The following CAGE1 variants were observed in gnomAD, a reference collection of about 807,000 sequenced individuals.
The protein encoded by CAGE1 is cancer-associated gene 1 protein.
CAGE1 carries 66 observed loss-of-function variants against 94.9 expected under a neutral mutation model. The ratio of observed to expected loss-of-function variants is 0.70; its 90% CI spans 0.57 to 0.85. The LOEUF (loss-of-function observed/expected upper bound fraction) is 0.85, where lower values mean the gene tolerates loss of function less well. Ranked by LOEUF, CAGE1 falls within the 40% of genes least tolerant of loss-of-function variation. The pLI, the probability that CAGE1 is intolerant of heterozygous loss-of-function variation, is 0.00. For missense variants in CAGE1, 865 were observed against 950.4 expected, an observed-to-expected ratio of 0.91 and a Z score of 1.18; for synonymous variants, 319 against 321.0, an observed-to-expected ratio of 0.99 and a Z score of 0.07.
chr6:7,328,739 A>G (rs1366632731), intron 13 of CAGE1, among the ~76,000 whole-genome samples: 2 of 152,038 alleles, frequency 1.3e-5, no homozygotes, highest in Non-Finnish European at 2.9e-5. Flanking sequence ...ATTTTCAAAT[A>G]GCTAGAAGAG....
rs972613244 is a variant in CAGE1 at position 7,355,075 on chromosome 6, G to A, written c.2335C>T (p.Gln779Ter). The change falls in exon 11 of 14, where the codon CAA (glutamine) becomes TAA (stop). Residue 779 changes from glutamine to a stop codon, truncating the protein, a stop_gained. Coordinates refer to ENST00000502583, the MANE Select transcript of CAGE1 (RefSeq NM_001170692.2). LOFTEE classifies it high-confidence loss of function. ...TGGGAGTGGGATATTGCAAGCCTTT[G>A]GTCAGCACATTCAATGATTTCTTCA... The part of the protein sequence containing the change: ...SYEEIIECAD[Q>*]RLAISHSQIA... The A allele has an allele frequency of 2.5e-6, 4 of 1,607,122 alleles. No homozygotes were observed. In the African/African-American group the frequency reaches 5.4e-5, roughly 22 times the overall value.
intron 11 of CAGE1, among the ~76,000 whole-genome samples, chr6:7,345,921 T>C (rs183917393): frequency 1.3e-5 from 2 of 151,848 alleles, no homozygotes; most frequent in Admixed American, 1.3e-4. Context: ...CGAGAGTCCA[T>C]CTCAAAAAAA....
intron 9 of CAGE1, among the ~76,000 whole-genome samples, chr6:7,359,471 C>T (rs1204153138): frequency 3.3e-5 from 5 of 152,188 alleles, no homozygotes; most frequent in East Asian, 1.9e-4. Context: ...TGTGATGGGC[C>T]TCACTGACTG....
chr6:7,345,815 C>T (rs901398416), intron 11 of CAGE1, among the ~76,000 whole-genome samples: 4 of 152,074 alleles, frequency 2.6e-5, no homozygotes, highest in South Asian at 2.1e-4. Context: ...GTCCCAGCTA[C>T]TTGGGAGGCT....
At chr6:7,326,999 G>A in intron 13 of CAGE1, 100 bp from the exon 14 acceptor site, 1 of 809,980 alleles carries the variant, frequency 1.2e-6, no homozygotes, top group Non-Finnish European at 2.2e-6. Context: ...TATGGAAAAG[G>A]GGTGCAAAGT....
rs1375198011 is a variant in CAGE1, at chr6:7,339,849, T to C, written c.2370-5759A>G. 6.6e-6 allele frequency among the ~76,000 whole-genome samples: 1 copy of C among 152,258 alleles called. No homozygotes were observed. Among genetic ancestry groups the C allele is most frequent in the Admixed American group, 6.5e-5 (1 of 15,288 alleles). ...GGGCATTTGGGCTGGTTCCATATTT[T>C]GGTAATTTCAAATTGTGCTGCTATA... On this transcript the variant is annotated intron_variant, in intron 11 of 13. Transcript: ENST00000502583. The surrounding 1 kb of genome is among the most constrained non-coding windows in gnomAD (Gnocchi z 4.7).
At chr6:7,335,481 T>C (rs1758922946) in intron 11 of CAGE1, among the ~76,000 whole-genome samples, 1 of 152,272 alleles carries the variant, frequency 6.6e-6, no homozygotes, top group South Asian at 2.1e-4. Flanking sequence ...CATACACTCC[T>C]AGGCCCTGCC....
intron 11 of CAGE1, chr6:7,338,749 CTT>C: frequency 6.4e-6 from 4 of 623,486 alleles, no homozygotes; most frequent in Non-Finnish European, 8.7e-6. Flanking sequence ...CTGTATCATT[CTT>C]TTTTTTTTCT....
intron 2 of CAGE1, among the ~76,000 whole-genome samples, chr6:7,386,502 C>T (rs2113480655): frequency 6.6e-6 from 1 of 152,324 alleles, no homozygotes. Flanking sequence ...ATGCATTAGA[C>T]TAGAAGTCAG....
rs577947746 is a variant in CAGE1, at chr6:7,364,870, T to C, written c.2193+598A>G. 2.3e-4 allele frequency among the ~76,000 whole-genome samples: 35 copies of C among 152,350 alleles called. No individual in the cohort carries two copies. In the South Asian group the frequency reaches 2.5e-3, roughly 11 times the overall value. On this transcript the variant is annotated intron_variant, in intron 9 of 13. Transcript: ENST00000502583. ...AAAAGTGAATTGTATGTAATGAATT[T>C]AGTATAGAATGCTGCTTTTTAATCA...
intron 3 of CAGE1, among the ~76,000 whole-genome samples, chr6:7,384,933 A>G (rs1761065756): frequency 1.3e-5 from 2 of 152,086 alleles, no homozygotes; most frequent in Non-Finnish European, 2.9e-5. Flanking sequence ...AGTGGACTCA[A>G]GCAATCCTTC....
chr6:7,345,432 T>TCAA (rs1759438903), intron 11 of CAGE1, among the ~76,000 whole-genome samples: 1 of 152,180 alleles, frequency 6.6e-6, no homozygotes, highest in Non-Finnish European at 1.5e-5. Context: ...CAGGGGTCTG[T>TCAA]GGTTTCATTC....
intron 13 of CAGE1, chr6:7,329,216 A>C: frequency 9.9e-6 from 4 of 404,798 alleles, no homozygotes; most frequent in Non-Finnish European, 1.8e-5. Context: ...TACAGGCGTC[A>C]GCCACCGCGC....
rs530778959 is a variant in CAGE1 at position 7,389,417 on chromosome 6, G to A, written c.-239C>T. 1.1e-5 allele frequency: 5 copies of A among 446,476 alleles called. No homozygotes were observed. The highest frequency in any genetic ancestry group is 6.0e-5 in the African/African-American group (3 of 49,860). 27.7% of individuals were successfully genotyped at this position (446,476 alleles called of 1,614,324 possible). On this transcript the variant is annotated 5_prime_UTR_variant, in exon 1 of 14. Transcript: ENST00000502583. ...CTCACAAACTCGCAATCGGGCTCCC[G>A]GAGTGCTGGAACGCCCCTGTGTGAC...
rs1332336430 is a variant in CAGE1 at position 7,356,112 on chromosome 6, A to T, written c.2211T>A (p.His737Gln). ...AGTGGTTTTCTTTTGACTCTAGGAG[A>T]TGTCCCAGTTTTGTGATCTATGGAG... is the stretch of plus-strand genomic sequence containing the variant. Reference protein sequence around the residue: ...ELDFLITKLGHLLESKENHCN... With the variant: ...ELDFLITKLGQLLESKENHCN... The change falls in exon 10 of 14, where the codon CAT (histidine) becomes CAA (glutamine). Residue 737 changes from histidine to glutamine, a missense_variant. Coordinates refer to ENST00000502583, the MANE Select transcript of CAGE1 (RefSeq NM_001170692.2). 1 of 1,546,168 alleles carries T rather than the reference A, an allele frequency of 6.5e-7. No individual in the cohort carries two copies. Among genetic ancestry groups the T allele is most frequent in the Non-Finnish European group, 8.8e-7 (1 of 1,142,066 alleles).
chr6:7,375,301 C>T (rs1760700068), intron 4 of CAGE1, among the ~76,000 whole-genome samples: 2 of 150,550 alleles, frequency 1.3e-5, no homozygotes, highest in African/African-American at 4.9e-5. Flanking sequence ...CCCAGCTACT[C>T]GGGAGGCTGA....
Position 7,328,934 on chromosome 6 carries a change from A to ATAT in CAGE1, c.2478+914_2478+915insATA, listed in dbSNP as rs1388562262. Among the ~76,000 whole-genome samples the ATAT allele has an allele frequency of 2.7e-4, 29 of 106,802 alleles. 1 individual carries two copies. The highest frequency in any genetic ancestry group is 4.7e-3 in the Middle Eastern group (1 of 212). The allele number at this position is 106,802 out of a possible 152,430, so 70.1% of individuals were successfully genotyped here. On this transcript the variant is annotated intron_variant, in intron 13 of 13. Transcript: ENST00000502583. ...TGTGTGTGTGTATATATATATATAT[A>ATAT]TTTTTTTTTTTTTTTGAGATAGAGT...
intron 4 of CAGE1, among the ~76,000 whole-genome samples, chr6:7,375,431 C>A (rs1013472734): frequency 2.0e-5 from 3 of 151,084 alleles, no homozygotes; most frequent in Admixed American, 6.6e-5. Flanking sequence ...AACAAACAAA[C>A]AAAAAAAACA....
chr6:7,330,643 G>A (rs1758711502), intron 12 of CAGE1, among the ~76,000 whole-genome samples: 1 of 152,172 alleles, frequency 6.6e-6, no homozygotes, highest in Admixed American at 6.5e-5. Flanking sequence ...TGCAGAGTAA[G>A]CTGAAGCTTG....
Sources: allele counts gnomAD v4.1 joint callset (sites outside exome capture counted in the v4.1 genomes callset), GRCh38; gene constraint gnomAD v4.1.1; non-coding constraint Gnocchi (gnomAD v3.1); transcripts MANE v1.5; gene names NCBI Gene and HGNC (gene_info 2026-07-23, HGNC 2026-07-21).